The following CTBP1 variants were observed in gnomAD, a reference collection of about 807,000 sequenced individuals.
CTBP1 encodes the protein C-terminal binding protein 1, also known as C-terminal-binding protein 1.
A neutral mutation model predicts 42.1 loss-of-function variants in CTBP1; 11 were observed. That is an observed-to-expected ratio of 0.26 (90% CI 0.16 to 0.43). The LOEUF (loss-of-function observed/expected upper bound fraction) is 0.43, where lower values mean the gene tolerates loss of function less well. Among genes scored for constraint, CTBP1 ranks in the 20% least tolerant of loss-of-function variants. The pLI, the probability that CTBP1 is intolerant of heterozygous loss-of-function variation, is 1.00. For synonymous variants in CTBP1, 324 were observed against 277.1 expected (o/e 1.17, Z -1.68); for missense variants, 399 against 624.3 (o/e 0.64, Z 3.85).
intron 3 of CTBP1, among the ~76,000 whole-genome samples, chr4:1,228,803 CG>C (rs1158824805): frequency 2.0e-5 from 3 of 152,118 alleles, no homozygotes; most frequent in African/African-American, 7.2e-5. Flanking sequence ...CCTGCAGGCC[CG>C]GGGATGCAGG....
intron 5 of CTBP1, among the ~76,000 whole-genome samples, chr4:1,222,793 CG>C (rs1437531485): frequency 1.3e-5 from 2 of 152,108 alleles, no homozygotes; most frequent in Non-Finnish European, 2.9e-5. Context: ...AGAGTGGCCA[CG>C]GGAAGAGCCC....
intron 3 of CTBP1, among the ~76,000 whole-genome samples, chr4:1,232,376 A>G (rs986260756): frequency 6.6e-6 from 1 of 152,124 alleles, no homozygotes; most frequent in African/African-American, 2.4e-5. Flanking sequence ...CAGTGACACG[A>G]TCTTGGCTCA....
chr4:1,237,876 G>A, intron 3 of CTBP1: 1 of 699,348 alleles, frequency 1.4e-6, no homozygotes, highest in Non-Finnish European at 2.6e-6. Context: ...ATGGGGCACA[G>A]GGCAAACCGA....
chr4:1,230,812 C>A (rs1730889051), intron 3 of CTBP1, among the ~76,000 whole-genome samples: 1 of 152,252 alleles, frequency 6.6e-6, no homozygotes, highest in African/African-American at 2.4e-5. Context: ...ATCGGCTCTT[C>A]CGTGATGAAA....
At chr4:1,232,982 A>G (rs1435196963) in intron 3 of CTBP1, 1 of 152,340 alleles carries the variant, frequency 6.6e-6, no homozygotes, top group East Asian at 1.9e-4. Context: ...ACACTGCCCA[A>G]CTGGATCTTC....
intron 3 of CTBP1, among the ~76,000 whole-genome samples, chr4:1,232,192 G>GC (rs1731033715): frequency 6.6e-6 from 1 of 152,222 alleles, no homozygotes. Flanking sequence ...GACAGGCACA[G>GC]CCCCTGCACC....
intron 3 of CTBP1, among the ~76,000 whole-genome samples, chr4:1,228,977 T>C (rs1730682803): frequency 6.6e-6 from 1 of 152,236 alleles, no homozygotes; most frequent in African/African-American, 2.4e-5. Flanking sequence ...GTCTGAGCAG[T>C]GTTCACAACA....
chr4:1,231,867 C>A (rs768435715), intron 3 of CTBP1, among the ~76,000 whole-genome samples: 1 of 152,234 alleles, frequency 6.6e-6, no homozygotes, highest in Non-Finnish European at 1.5e-5. Context: ...CTCAGCACGG[C>A]TGGTGCAGGG....
At chr4:1,244,354 T>TGGGG (rs140716958) in intron 1 of CTBP1, 103 of 961,778 alleles carry the variant, frequency 1.1e-4, no homozygotes, top group East Asian at 2.5e-4. Flanking sequence ...CTCTGGGCAC[T>TGGGG]GGGGGGGGGG....
At position 1,211,644 on chromosome 4, in the gene CTBP1, C is replaced by T. The variant is rs1728554089; in HGVS notation, c.*596G>A. The stretch of plus-strand genomic sequence containing the variant: ...ACGCTGGGCACCGCCCAAGCTTTTC[C>T]TTTTGGAGCTGCTTCGTGATGCCGT... On this transcript the variant is annotated 3_prime_UTR_variant, in exon 10 of 10. Coordinates refer to ENST00000382952, the MANE Select transcript of CTBP1 (RefSeq NM_001012614.2). The T allele has an allele frequency of 6.6e-6, 1 of 152,396 alleles. No homozygotes were observed. The highest frequency in any genetic ancestry group is 2.1e-4 in the South Asian group (1 of 4,832). The allele number at this position is 152,396 out of a possible 1,614,324, so 9.4% of individuals were successfully genotyped here.
chr4:1,228,854 C>T (rs931189734), intron 3 of CTBP1, among the ~76,000 whole-genome samples: 6 of 152,324 alleles, frequency 3.9e-5, no homozygotes, highest in Admixed American at 2.6e-4. Flanking sequence ...AGCACGTCGG[C>T]GGAGGCAGGC....
In CTBP1 at chr4:1,249,079, C is replaced by G; in HGVS notation, c.-352G>C. 10 of 299,688 alleles carry G rather than the reference C, an allele frequency of 3.3e-5. No individual in the cohort carries two copies. The highest frequency in any genetic ancestry group is 4.8e-5 in the Non-Finnish European group (10 of 206,554). The allele number at this position is 299,688 out of a possible 1,614,324, so 18.6% of individuals were successfully genotyped here. A position where few individuals can be genotyped will look rare whatever the true frequency, so the allele number is the denominator to read the frequency against. On this transcript the variant is annotated 5_prime_UTR_variant, in exon 1 of 10. Transcript: ENST00000382952. Reference sequence around the variant, plus strand: ...CCGCCCGCCTGCGCCTGGCCGCCGCCGTGCCGAGTCTCCGCCGCGCCGCTG... The same window carrying G: ...CCGCCCGCCTGCGCCTGGCCGCCGCGGTGCCGAGTCTCCGCCGCGCCGCTG...
chr4:1,224,321 G>A (rs1024298066), intron 5 of CTBP1, among the ~76,000 whole-genome samples: 2 of 152,174 alleles, frequency 1.3e-5, no homozygotes, highest in African/African-American at 4.8e-5. Flanking sequence ...TGTGTGCTGC[G>A]ATGTCCATGT....
intron 5 of CTBP1, 142 bp from the exon 6 acceptor site, chr4:1,216,347 CCCACGCACGCTCCACACGAGCGCT>C: frequency 1.2e-6 from 1 of 806,594 alleles, no homozygotes; most frequent in Non-Finnish European, 1.9e-6. Context: ...AGCCAAGGTG[CCCACGCACGCTCCACACGAGCGCT>C]CCACGTCCGC....
chr4:1,213,441 G>C, intron 8 of CTBP1, 37 bp downstream of exon 8: 2 of 1,602,550 alleles, frequency 1.2e-6, no homozygotes, highest in Non-Finnish European at 1.7e-6. Flanking sequence ...TGGCAGGAAG[G>C]GACCCCCAGG....
chr4:1,246,807 G>C (rs1732765356), intron 1 of CTBP1, among the ~76,000 whole-genome samples: 1 of 152,208 alleles, frequency 6.6e-6, no homozygotes, highest in South Asian at 2.1e-4. Flanking sequence ...CCGTTTCCTG[G>C]AGAGCATGAC....
At chr4:1,249,847 C>T (rs1412439807), upstream of CTBP1, 1 of 210,618 alleles carries the variant, frequency 4.7e-6, no homozygotes. Context: ...GTCCTGACAG[C>T]TCAGCTCTGC....
chr4:1,246,571 C>T (rs1225030647), intron 1 of CTBP1, among the ~76,000 whole-genome samples: 2 of 152,254 alleles, frequency 1.3e-5, no homozygotes, highest in African/African-American at 4.8e-5. Flanking sequence ...CTGAAGAGTT[C>T]TCAGCAACAC....
intron 5 of CTBP1, chr4:1,216,720 G>A (rs1729161205): frequency 5.9e-6 from 1 of 170,154 alleles, no homozygotes; most frequent in Non-Finnish European, 1.3e-5. Context: ...CCCTTCGAGT[G>A]GAGCGGCAGA....
Sources: gnomAD v4.1 joint callset for allele counts (sites outside exome capture counted in the v4.1 genomes callset) on GRCh38, gnomAD v4.1.1 for gene constraint, MANE v1.5 for transcripts, NCBI Gene and HGNC (gene_info 2026-07-23, HGNC 2026-07-21) for gene names.